Variants in CHST8 observed in about 807,000 individuals in gnomAD.
CHST8 encodes carbohydrate sulfotransferase 8.
Under a neutral mutation model 15.0 loss-of-function variants are expected in CHST8, and 10 were observed. The ratio of observed to expected loss-of-function variants is 0.67; its 90% CI spans 0.41 to 1.13. CHST8 has a LOEUF of 1.13. Among genes scored for constraint, CHST8 ranks in the 50% most tolerant of loss-of-function variants. The pLI is 0.00. For synonymous variants in CHST8, 259 were observed against 256.6 expected, an observed-to-expected ratio of 1.01 and a Z score of -0.09; for missense variants, 634 against 608.2, an observed-to-expected ratio of 1.04 and a Z score of -0.45.
intron 1 of CHST8, among the ~76,000 whole-genome samples, chr19:33,629,472 G>A (rs969687371): frequency 4.6e-5 from 7 of 152,250 alleles, no homozygotes; most frequent in Non-Finnish European, 7.3e-5. Context: ...TGGGAGCTCC[G>A]CAGTGCCCTC....
intron 3 of CHST8, among the ~76,000 whole-genome samples, chr19:33,754,434 G>A (rs1974503863): frequency 6.6e-6 from 1 of 152,106 alleles, no homozygotes; most frequent in African/African-American, 2.4e-5. Flanking sequence ...CAGGCAGGAT[G>A]AGGGACTGTT....
chr19:33,771,872 C>T, intron 4 of CHST8, 85 bp from the exon 5 acceptor site: 1 of 1,461,582 alleles, frequency 6.8e-7, no homozygotes, highest in Non-Finnish European at 9.2e-7. Flanking sequence ...ACAGGAACCC[C>T]AGCCGTGGTG....
chr19:33,633,041 G>A lies in CHST8; in HGVS notation c.-164+10745G>A, dbSNP rs572273538. Among the ~76,000 whole-genome samples, 29 of 152,108 alleles carry A rather than the reference G, an allele frequency of 1.9e-4. No homozygotes were observed. The South Asian group carries it at 6.0e-3, about 32-fold the overall frequency. The stretch of plus-strand genomic sequence containing the variant: ...AGACGGGGTTTCACCATGTTGGCCA[G>A]GCTGGTCTTGAACTCCTGACCTCAG... On this transcript the variant is annotated intron_variant, in intron 1 of 4. Coordinates refer to ENST00000650847, the MANE Select transcript of CHST8 (RefSeq NM_001127895.2).
At chr19:33,702,932 A>C (rs980813082) in intron 3 of CHST8, among the ~76,000 whole-genome samples, 1 of 152,184 alleles carries the variant, frequency 6.6e-6, no homozygotes, top group Non-Finnish European at 1.5e-5. Flanking sequence ...GGAGGACTGA[A>C]GGCTGGGGGC....
At chr19:33,771,478 A>G (rs770347420) in intron 4 of CHST8, 28 bp downstream of exon 4, 11 of 1,604,332 alleles carry the variant, frequency 6.9e-6, no homozygotes, top group African/African-American at 4.0e-5. Flanking sequence ...GATAAATCTC[A>G]GTGCACACAG....
chr19:33,664,454 C>A (rs1027560626), intron 1 of CHST8, among the ~76,000 whole-genome samples: 1 of 122,762 alleles, frequency 8.1e-6, no homozygotes, highest in African/African-American at 3.1e-5. Flanking sequence ...CCCCCCTCCC[C>A]ACAACAGGCC....
At chr19:33,678,171 G>C (rs1482935721) in intron 2 of CHST8, among the ~76,000 whole-genome samples, 1 of 152,224 alleles carries the variant, frequency 6.6e-6, no homozygotes, top group Non-Finnish European at 1.5e-5. Flanking sequence ...GGGTCACTGG[G>C]GTGGAGGAGA....
chr19:33,645,765 G>A (rs1972347544), intron 1 of CHST8, among the ~76,000 whole-genome samples: 1 of 152,188 alleles, frequency 6.6e-6, no homozygotes, highest in Non-Finnish European at 1.5e-5. Context: ...TACCCCAATG[G>A]GTTCTTCTTA....
intron 3 of CHST8, among the ~76,000 whole-genome samples, chr19:33,716,208 T>C (rs1459444555): frequency 6.6e-6 from 1 of 152,212 alleles, no homozygotes. Flanking sequence ...TTAAACTGTT[T>C]GTAGTTTTAT....
chr19:33,689,129 C>T lies in CHST8; in HGVS notation c.-86-47C>T, dbSNP rs569507250. 335 of 1,107,306 alleles carry T rather than the reference C, an allele frequency of 3.0e-4. 2 individuals carry two copies. The East Asian group carries it at 8.4e-3, about 28-fold the overall frequency. 68.6% of individuals were successfully genotyped at this position (1,107,306 alleles called of 1,614,324 possible). On this transcript the variant is annotated intron_variant, in intron 2 of 4. Transcript: ENST00000650847. ...GCAGTGAGCAGGGCCTACACCTGCC[C>T]GGGTGCCTCGCGCCTCGGTGATGAC...
chr19:33,635,225 A>T (rs1600227455), intron 1 of CHST8, among the ~76,000 whole-genome samples: 1 of 151,272 alleles, frequency 6.6e-6, no homozygotes, highest in South Asian at 2.1e-4. Context: ...CAGCTGCTCC[A>T]CTCCTGCCCC....
intron 2 of CHST8, among the ~76,000 whole-genome samples, chr19:33,673,096 C>T (rs1228148772): frequency 2.0e-5 from 3 of 152,174 alleles, no homozygotes; most frequent in African/African-American, 7.2e-5. Flanking sequence ...GAACCTCTGA[C>T]CCAGCCCAGG....
Position 33,772,432 on chromosome 19 carries a change from T to C in CHST8, c.644T>C (p.Leu215Pro). 6.2e-7 allele frequency: 1 copy of C among 1,611,470 alleles called. No homozygotes were observed. The highest frequency in any genetic ancestry group is 8.5e-7 in the Non-Finnish European group (1 of 1,179,946). Residue 215 changes from leucine (L) to proline (P), a missense_variant, in exon 5 of 5, where the codon CTG (leucine) becomes CCG (proline). Coordinates refer to ENST00000650847, the MANE Select transcript of CHST8 (RefSeq NM_001127895.2). The part of the protein sequence containing the change: ...WKRVLMVLAG[L>P]ASSTADIQHN... ...CGGGTGCTCATGGTGCTGGCCGGCCTGGCCTCGTCCACTGCCGACATCCAG... is the reference window on the plus strand; with the variant it reads ...CGGGTGCTCATGGTGCTGGCCGGCCCGGCCTCGTCCACTGCCGACATCCAG...
At chr19:33,711,271 T>C (rs1412935979) in intron 3 of CHST8, among the ~76,000 whole-genome samples, 1 of 152,026 alleles carries the variant, frequency 6.6e-6, no homozygotes, top group East Asian at 1.9e-4. Context: ...TCAGAAGCCC[T>C]AAGTCTAGGA....
chr19:33,641,795 C>T lies in CHST8; in HGVS notation c.-164+19499C>T, dbSNP rs1012013763. Among the ~76,000 whole-genome samples, 7 of 152,152 alleles carry T rather than the reference C, an allele frequency of 4.6e-5. No homozygotes were observed. The East Asian group carries it at 9.7e-4, about 21-fold the overall frequency. ...CTTTGGAAGGGGGCAGTGGGACTCCCGCTGTCATCGCAGAAAGGGATGAGG... is the reference window on the plus strand; with the variant it reads ...CTTTGGAAGGGGGCAGTGGGACTCCTGCTGTCATCGCAGAAAGGGATGAGG... On this transcript the variant is annotated intron_variant, in intron 1 of 4. Coordinates refer to ENST00000650847, the MANE Select transcript of CHST8 (RefSeq NM_001127895.2).
chr19:33,627,407 C>T lies in CHST8; in HGVS notation c.-164+5111C>T, dbSNP rs964099522. ...GTTTATAGGCGTGAGCCAGCACGCC[C>T]GACCCTTTTTCTTTATATATTACCT... On this transcript the variant is annotated intron_variant, in intron 1 of 4. Transcript: ENST00000650847. Among the ~76,000 whole-genome samples, 9 of 152,202 alleles carry T rather than the reference C, an allele frequency of 5.9e-5. 1 individual carries two copies. In the South Asian group the frequency reaches 6.2e-4, roughly 11 times the overall value.
At chr19:33,757,412 AAGAAAGAAAGAAAGAAAGAAAGAAAG>A (rs1568358193) in intron 3 of CHST8, among the ~76,000 whole-genome samples, 3 of 6,868 alleles carry the variant, frequency 4.4e-4, no homozygotes, top group Admixed American at 1.7e-3. Flanking sequence ...GAAAGAAAGA[AAGAAAGAAAGAAAGAAAGAAAGAAAG>A]AAAGAAAGAA....
chr19:33,637,237 C>T lies in CHST8; in HGVS notation c.-164+14941C>T, dbSNP rs973434011. ...ATGACCTGTATCTTGTGCTGACCTC[C>T]TATCTCATCCTGTGACTTGGAATGC... is the stretch of plus-strand genomic sequence containing the variant. On this transcript the variant is annotated intron_variant, in intron 1 of 4. Coordinates refer to ENST00000650847, the MANE Select transcript of CHST8 (RefSeq NM_001127895.2). Among the ~76,000 whole-genome samples the T allele has an allele frequency of 7.5e-4, 114 of 152,244 alleles. 1 individual carries two copies. The highest frequency in any genetic ancestry group is 2.7e-3 in the African/African-American group (113 of 41,554).
chr19:33,745,090 G>T (rs990184870), intron 3 of CHST8, among the ~76,000 whole-genome samples: 1 of 151,930 alleles, frequency 6.6e-6, no homozygotes, highest in Admixed American at 6.6e-5. Flanking sequence ...TGGCTATGTT[G>T]CCCAGGCTGA....
Sources: gnomAD v4.1 joint callset for allele counts (sites outside exome capture counted in the v4.1 genomes callset) on GRCh38, gnomAD v4.1.1 for gene constraint, MANE v1.5 for transcripts, NCBI Gene and HGNC (gene_info 2026-07-23, HGNC 2026-07-21) for gene names.